The following ASIC2 variants were observed in gnomAD, a reference collection of about 807,000 sequenced individuals.
The protein encoded by ASIC2 is acid-sensing ion channel 2.
ASIC2 carries 25 observed loss-of-function variants against 57.3 expected under a neutral mutation model. The observed-to-expected ratio is 0.44, with a 90% CI of 0.32 to 0.61. The LOEUF is 0.61. ASIC2 is among the 20% of genes least tolerant of loss of function. The probability of loss-of-function intolerance (pLI) is 0.06; values close to 1 mark genes in which losing one functional copy is unlikely to be tolerated. For synonymous variants in ASIC2, 319 were observed against 307.5 expected (o/e 1.04, Z -0.39); for missense variants, 641 against 738.1 (o/e 0.87, Z 1.52).
chr17:33,508,287 A>C (rs1914325272), intron 1 of ASIC2, among the ~76,000 whole-genome samples: 1 of 152,164 alleles, frequency 6.6e-6, no homozygotes, highest in African/African-American at 2.4e-5. Context: ...AGATGAGTAC[A>C]ACAAGAGCCT....
At chr17:34,076,708 G>A (rs780918781) in intron 1 of ASIC2, among the ~76,000 whole-genome samples, 1 of 152,068 alleles carries the variant, frequency 6.6e-6, no homozygotes, top group Non-Finnish European at 1.5e-5. Flanking sequence ...ATTTTGTCTG[G>A]TGCAGAGCTA....
chr17:33,468,394 T>G (rs1243950277), intron 1 of ASIC2, among the ~76,000 whole-genome samples: 1 of 152,202 alleles, frequency 6.6e-6, no homozygotes, highest in Non-Finnish European at 1.5e-5. Context: ...AAAGGATTAA[T>G]CTTCCAGATT....
intron 1 of ASIC2, among the ~76,000 whole-genome samples, chr17:33,367,281 G>T (rs1428057594): frequency 6.6e-6 from 1 of 152,338 alleles, no homozygotes; most frequent in African/African-American, 2.4e-5. Context: ...AGAGAGTGAA[G>T]TTGTGTAACA....
chr17:33,694,517 C>G, intron 1 of ASIC2, among the ~76,000 whole-genome samples: 1 of 152,178 alleles, frequency 6.6e-6, no homozygotes. Context: ...AGCTACTCTT[C>G]CTCATCTCAT....
At chr17:33,541,989 A>G (rs1183612182) in intron 1 of ASIC2, among the ~76,000 whole-genome samples, 1 of 152,220 alleles carries the variant, frequency 6.6e-6, no homozygotes, top group Non-Finnish European at 1.5e-5. Context: ...GAATAATGAA[A>G]GTTTCTATCT....
At chr17:33,522,060 A>G (rs1278738931) in intron 1 of ASIC2, among the ~76,000 whole-genome samples, 1 of 152,180 alleles carries the variant, frequency 6.6e-6, no homozygotes, top group Non-Finnish European at 1.5e-5. Context: ...CCGGGGCTGC[A>G]TAGAGGAGCA....
At chr17:33,666,329 G>A (rs908676255) in intron 1 of ASIC2, among the ~76,000 whole-genome samples, 1 of 152,162 alleles carries the variant, frequency 6.6e-6, no homozygotes, top group Non-Finnish European at 1.5e-5. Flanking sequence ...TTAAGAAACG[G>A]GCAGAGTTTG....
At chr17:33,569,497 G>C (rs1338119540) in intron 1 of ASIC2, 3 of 152,314 alleles carry the variant, frequency 2.0e-5, no homozygotes, top group Non-Finnish European at 4.4e-5. Context: ...GGGCCCACAG[G>C]GAGTGAGGCA....
chr17:33,200,194 C>T (rs967526044), intron 1 of ASIC2, among the ~76,000 whole-genome samples: 2 of 152,202 alleles, frequency 1.3e-5, no homozygotes, highest in African/African-American at 4.8e-5. Flanking sequence ...ACTGAAATGG[C>T]TTTTTCTTCT....
chr17:33,676,703 C>G (rs770153611), intron 1 of ASIC2, among the ~76,000 whole-genome samples: 2 of 152,218 alleles, frequency 1.3e-5, no homozygotes, highest in Non-Finnish European at 2.9e-5. Context: ...CATAAAAGTG[C>G]AAGGTGAAGC....
intron 1 of ASIC2, among the ~76,000 whole-genome samples, chr17:33,843,733 T>C (rs966724585): frequency 2.6e-5 from 4 of 152,212 alleles, no homozygotes; most frequent in African/African-American, 9.6e-5. Context: ...AGTTGGAAAA[T>C]TGAGCTTGGA....
At chr17:33,741,028 C>T (rs144285931) in intron 1 of ASIC2, among the ~76,000 whole-genome samples, 326 of 152,288 alleles carry the variant, frequency 2.1e-3, no homozygotes, top group African/African-American at 7.5e-3. Context: ...GCCCTGTGTG[C>T]AGACTGCCAG....
At chr17:33,917,307 CTCCCCAGCGCCATCT>C (rs1272748831) in intron 1 of ASIC2, among the ~76,000 whole-genome samples, 1 of 152,136 alleles carries the variant, frequency 6.6e-6, no homozygotes, top group African/African-American at 2.4e-5. Flanking sequence ...TGCCTTAAAT[CTCCCCAGCGCCATCT>C]TCCCCAGAAC....
chr17:34,051,268 T>C (rs982364023), intron 1 of ASIC2, among the ~76,000 whole-genome samples: 15 of 152,262 alleles, frequency 9.9e-5, no homozygotes, highest in African/African-American at 3.6e-4. Flanking sequence ...CTCTAGTGAA[T>C]CCAAATGTTA....
chr17:33,314,772 T>C (rs113279319), intron 1 of ASIC2, among the ~76,000 whole-genome samples: 62 of 152,372 alleles, frequency 4.1e-4, no homozygotes, highest in African/African-American at 1.4e-3. Flanking sequence ...AGAACGATTC[T>C]ATTTTTATGC....
chr17:33,114,548 C>T (rs1328912325), intron 1 of ASIC2, among the ~76,000 whole-genome samples: 1 of 152,170 alleles, frequency 6.6e-6, no homozygotes, highest in African/African-American at 2.4e-5. Flanking sequence ...TTGCAAATTC[C>T]AACTCCTTCA....
intron 1 of ASIC2, among the ~76,000 whole-genome samples, chr17:33,956,726 G>A (rs1255567186): frequency 1.3e-5 from 2 of 152,158 alleles, no homozygotes; most frequent in African/African-American, 4.8e-5. Context: ...CCCTACCCCA[G>A]AATGCAAGCC....
chr17:33,048,795 G>A (rs1297063974), intron 3 of ASIC2, among the ~76,000 whole-genome samples: 1 of 152,184 alleles, frequency 6.6e-6, no homozygotes, highest in Admixed American at 6.5e-5. Flanking sequence ...TCCCTGGTAC[G>A]GGGGTCTCCC....
chr17:33,436,003 G>T (rs1466676116), intron 1 of ASIC2, among the ~76,000 whole-genome samples: 1 of 152,222 alleles, frequency 6.6e-6, no homozygotes, highest in Non-Finnish European at 1.5e-5. Context: ...GATAAATTGT[G>T]AAGAAAAATA....
Sources: allele counts gnomAD v4.1 joint callset (sites outside exome capture counted in the v4.1 genomes callset), GRCh38; gene constraint gnomAD v4.1.1; transcripts MANE v1.5; gene names NCBI Gene and HGNC (gene_info 2026-07-23, HGNC 2026-07-21).